POFUT1: variants seen among roughly 807,000 people sequenced by gnomAD.
POFUT1 encodes protein O-fucosyltransferase 1, also known as GDP-fucose protein O-fucosyltransferase 1.
In POFUT1, 16 loss-of-function variants were observed where a neutral mutation model predicts 42.4. The ratio of observed to expected loss-of-function variants is 0.38; its 90% CI spans 0.26 to 0.57. The LOEUF (loss-of-function observed/expected upper bound fraction) is 0.57, where lower values mean the gene tolerates loss of function less well. Ranked by LOEUF, POFUT1 falls within the 20% of genes least tolerant of loss-of-function variation. The pLI is 0.71. For synonymous variants in POFUT1, 206 were observed against 205.4 expected (o/e 1.00, Z -0.03); for missense variants, 470 against 504.6 (o/e 0.93, Z 0.66).
In POFUT1 at chr20:32,215,451, G is replaced by A. The variant is rs1282777682; in HGVS notation, c.429G>A (p.Lys143=). ...CAGATAAGAAGACGTGCCCCATGAAGGTGGGTCCTGTGGGTTCGGGGGCCC... is the reference window on the plus strand; with the variant it reads ...CAGATAAGAAGACGTGCCCCATGAAAGTGGGTCCTGTGGGTTCGGGGGCCC... The part of the protein sequence containing the change: ...RSPDKKTCPM[K]EGNPFGPFWD... Residue 143 remains lysine, a splice_region_variant and synonymous_variant, in exon 3 of 7, where the codon AAG becomes AAA. Coordinates refer to ENST00000375749, the MANE Select transcript of POFUT1 (RefSeq NM_015352.2). 3.7e-6 allele frequency: 6 copies of A among 1,605,422 alleles called. No homozygotes were observed. In the Admixed American group the frequency reaches 6.7e-5, roughly 18 times the overall value.
intron 2 of POFUT1, among the ~76,000 whole-genome samples, chr20:32,214,506 G>A (rs964885483): frequency 7.2e-5 from 11 of 152,132 alleles, no homozygotes; most frequent in African/African-American, 9.7e-5. Context: ...TTCTGCTACC[G>A]GCCGTGTAGA....
intron 6 of POFUT1, among the ~76,000 whole-genome samples, chr20:32,232,971 A>G (rs1329457644): frequency 6.6e-6 from 1 of 152,242 alleles, no homozygotes; most frequent in East Asian, 1.9e-4. Flanking sequence ...TTCTAGACCC[A>G]GGAAAAGAGA....
chr20:32,208,759 G>A (rs1444400359), intron 1 of POFUT1, among the ~76,000 whole-genome samples: 2 of 151,888 alleles, frequency 1.3e-5, no homozygotes, highest in Non-Finnish European at 1.5e-5. Context: ...CTCTTGAGCC[G>A]AGGAATTCGA....
intron 4 of POFUT1, among the ~76,000 whole-genome samples, chr20:32,219,253 G>A (rs1206700790): frequency 6.6e-6 from 1 of 152,168 alleles, no homozygotes; most frequent in Non-Finnish European, 1.5e-5. Context: ...TGCTTAGAAG[G>A]ATATAAACAG....
intron 4 of POFUT1, among the ~76,000 whole-genome samples, chr20:32,224,963 A>G (rs1413263869): frequency 6.6e-6 from 1 of 152,242 alleles, no homozygotes; most frequent in Non-Finnish European, 1.5e-5. Flanking sequence ...ACCTTTAACT[A>G]GGTTACATGC....
chr20:32,208,578 A>G (rs2047307464), intron 1 of POFUT1, among the ~76,000 whole-genome samples: 1 of 149,732 alleles, frequency 6.7e-6, no homozygotes, highest in South Asian at 2.1e-4. Flanking sequence ...CCACTTTGAG[A>G]GACCGAGGCA....
chr20:32,209,933 T>C, intron 1 of POFUT1, 138 bp from the exon 2 acceptor site: 1 of 883,426 alleles, frequency 1.1e-6, no homozygotes, highest in Non-Finnish European at 1.8e-6. Flanking sequence ...TCCAGACTTG[T>C]TCTTATGCTG....
intron 4 of POFUT1, chr20:32,217,769 T>C: frequency 1.0e-6 from 1 of 980,828 alleles, no homozygotes; most frequent in Non-Finnish European, 1.2e-6. Flanking sequence ...GACTTTGAGA[T>C]AGTTCATGAA....
chr20:32,221,199 A>C (rs1265330256), intron 4 of POFUT1, among the ~76,000 whole-genome samples: 1 of 152,194 alleles, frequency 6.6e-6, no homozygotes, highest in Admixed American at 6.5e-5. Context: ...TTGAATGTGT[A>C]TGAACATTTA....
intron 4 of POFUT1, among the ~76,000 whole-genome samples, chr20:32,226,558 A>G (rs1250401540): frequency 6.6e-6 from 1 of 152,058 alleles, no homozygotes; most frequent in Non-Finnish European, 1.5e-5. Context: ...CATTATCACA[A>G]GGATCCTTGT....
At chr20:32,234,382 A>G in intron 6 of POFUT1, 91 bp from the exon 7 acceptor site, 1 of 1,179,900 alleles carries the variant, frequency 8.5e-7, no homozygotes, top group Non-Finnish European at 1.2e-6. Flanking sequence ...TGTGTCTGTA[A>G]CTGCAGCTCA....
In POFUT1 at chr20:32,215,366, C is replaced by T. The variant is rs1184027366; in HGVS notation, c.344C>T (p.Thr115Ile). ...GATTTCATGGAGAAGCTGGCACCCACCCACTGGCCCCCTGAGAAGCGGGTG... is the reference window on the plus strand; with the variant it reads ...GATTTCATGGAGAAGCTGGCACCCATCCACTGGCCCCCTGAGAAGCGGGTG... ...LEDFMEKLAP[T>I]HWPPEKRVAY... The change falls in exon 3 of 7, where the codon ACC (threonine) becomes ATC (isoleucine). Residue 115 changes from threonine (T) to isoleucine (I), a missense_variant. Thr to Ile is a moderately conservative substitution (Grantham distance 89). Coordinates refer to ENST00000375749, the MANE Select transcript of POFUT1 (RefSeq NM_015352.2). 1 of 1,614,030 alleles carries T rather than the reference C, an allele frequency of 6.2e-7. No homozygotes were observed. The highest frequency in any genetic ancestry group is 8.5e-7 in the Non-Finnish European group (1 of 1,180,008).
rs781099780 is a variant in POFUT1, at chr20:32,216,665, G to C, written c.486G>C (p.Ser162=). The C allele has an allele frequency of 1.9e-6, 3 of 1,613,844 alleles. No individual in the cohort carries two copies. Among genetic ancestry groups the C allele is most frequent in the East Asian group, 2.2e-5 (1 of 44,890 alleles). Residue 162 remains serine (S), a synonymous_variant, in exon 4 of 7, where the codon TCG becomes TCC. Coordinates refer to ENST00000375749, the MANE Select transcript of POFUT1 (RefSeq NM_015352.2). ...WDQFHVSFNK[S]ELFTGISFSA... ...AGTTTCATGTGAGTTTCAACAAGTC[G>C]GAGCTTTTTACAGGCATTTCCTTCA...
intron 4 of POFUT1, among the ~76,000 whole-genome samples, chr20:32,220,508 G>A (rs1036753867): frequency 5.3e-5 from 8 of 152,318 alleles, no homozygotes; most frequent in African/African-American, 1.9e-4. Flanking sequence ...TTGGGAGGCT[G>A]AGGCGGGTGG....
At chr20:32,217,438 G>C (rs2047368053) in intron 4 of POFUT1, 1 of 1,008,278 alleles carries the variant, frequency 9.9e-7, no homozygotes, top group Admixed American at 5.4e-5. Context: ...AAAGCACTTG[G>C]CATTTAATAG....
In POFUT1 at chr20:32,228,270, C is replaced by A. The variant is rs1290104481; in HGVS notation, c.550C>A (p.Pro184Thr). 1.2e-6 allele frequency: 2 copies of A among 1,613,128 alleles called. No individual in the cohort carries two copies. Among genetic ancestry groups the A allele is most frequent in the Admixed American group, 1.7e-5 (1 of 59,910 alleles). The stretch of plus-strand genomic sequence containing the variant: ...ATTCCATCTCCTGTCTAGATTTTCT[C>A]CAAAGGAACATCCGGTGCTTGCCCT... ...YREQWSQRFSPKEHPVLALPG... is the reference protein window; with the variant it reads ...YREQWSQRFSTKEHPVLALPG... The change falls in exon 5 of 7, where the codon CCA becomes ACA. Residue 184 changes from proline to threonine, a missense_variant. Coordinates refer to ENST00000375749, the MANE Select transcript of POFUT1 (RefSeq NM_015352.2).
In POFUT1 at chr20:32,211,572, G is replaced by A. The variant is rs557109716; in HGVS notation, c.246+1380G>A. Among the ~76,000 whole-genome samples, 14 of 152,200 alleles carry A rather than the reference G, an allele frequency of 9.2e-5. 1 individual carries two copies. Among genetic ancestry groups the A allele is most frequent in the Middle Eastern group, 6.8e-3 (2 of 294 alleles). On this transcript the variant is annotated intron_variant, in intron 2 of 6. Transcript: ENST00000375749. ...GGCATAAGCCACTGCGCCTGGCCTC[G>A]CACTCACTATTACAGTGTAGACATT...
At chr20:32,232,412 A>G (rs1270741603) in intron 6 of POFUT1, among the ~76,000 whole-genome samples, 2 of 152,216 alleles carry the variant, frequency 1.3e-5, no homozygotes, top group African/African-American at 4.8e-5. Flanking sequence ...CCTCTATTTT[A>G]TAGCTGAGGA....
At chr20:32,225,602 T>C (rs951650239) in intron 4 of POFUT1, among the ~76,000 whole-genome samples, 1 of 152,144 alleles carries the variant, frequency 6.6e-6, no homozygotes, top group Non-Finnish European at 1.5e-5. Flanking sequence ...GATTTTCCCA[T>C]GTAGCCTCCT....
Sources: allele counts gnomAD v4.1 joint callset (sites outside exome capture counted in the v4.1 genomes callset), GRCh38; gene constraint gnomAD v4.1.1; transcripts MANE v1.5; gene names NCBI Gene and HGNC (gene_info 2026-07-23, HGNC 2026-07-21).